The following RPGR variants were observed in gnomAD, a reference collection of about 807,000 sequenced individuals.
RPGR encodes retinitis pigmentosa GTPase regulator.
A neutral mutation model predicts 56.3 loss-of-function variants in RPGR; 10 were observed. That is an observed-to-expected ratio of 0.18 (90% CI 0.11 to 0.30). RPGR has a LOEUF of 0.30. Ranked by LOEUF, RPGR falls within the 10% of genes least tolerant of loss-of-function variation. RPGR has a pLI of 1.00. For synonymous variants in RPGR, 197 were observed against 212.9 expected, an observed-to-expected ratio of 0.93 and a Z score of 0.65; for missense variants, 538 against 590.9, an observed-to-expected ratio of 0.91 and a Z score of 0.93.
intron 15 of RPGR, among the ~76,000 whole-genome samples, chrX:38,278,691 A>T (rs1344791547): frequency 8.9e-6 from 1 of 112,651 alleles, no homozygotes; most frequent in Non-Finnish European, 1.9e-5. Context: ...GTCTGCATAA[A>T]TATACATAAA....
chrX:38,319,506 A>G (rs1030917140), intron 4 of RPGR, among the ~76,000 whole-genome samples: 12 of 112,152 alleles, frequency 1.1e-4, no homozygotes, highest in Non-Finnish European at 2.3e-4. Context: ...GTTTAGCAGG[A>G]AAGACTCCAG....
chrX:38,287,010 A>T (rs2067197546), intron 15 of RPGR: 1 of 1,206,428 alleles, frequency 8.3e-7, no homozygotes, highest in Non-Finnish European at 1.1e-6. Flanking sequence ...CTGCTCCTGA[A>T]CTACCTTCCT....
chrX:38,315,464 C>T (rs1461409356), intron 6 of RPGR, among the ~76,000 whole-genome samples: 1 of 111,843 alleles, frequency 8.9e-6, no homozygotes, highest in Admixed American at 9.5e-5. Flanking sequence ...AAAACAGGCA[C>T]AGAAAGACAT....
At chrX:38,301,818 G>T (rs761434562) in intron 8 of RPGR, among the ~76,000 whole-genome samples, 1 of 110,962 alleles carries the variant, frequency 9.0e-6, no homozygotes, top group Non-Finnish European at 1.9e-5. Context: ...ATAATTCATG[G>T]TCGTGTGGGT....
intron 18 of RPGR, chrX:38,269,975 C>CT (rs1324908191): frequency 6.4e-6 from 3 of 470,983 alleles, no homozygotes; most frequent in Non-Finnish European, 1.1e-5. Context: ...ATGGTGCATT[C>CT]TTAGCATCTG....
chrX:38,282,775 G>C (rs1481037761), intron 15 of RPGR, among the ~76,000 whole-genome samples: 1 of 81,055 alleles, frequency 1.2e-5, no homozygotes, highest in African/African-American at 6.2e-5. Context: ...GACTGCTGCT[G>C]TTCAGCAGCA....
intron 3 of RPGR, among the ~76,000 whole-genome samples, 179 bp downstream of exon 3, chrX:38,322,674 C>T (rs754185404): frequency 9.0e-6 from 1 of 111,665 alleles, no homozygotes; most frequent in Non-Finnish European, 1.9e-5. Context: ...GATTTTTAGA[C>T]CCTAACATAT....
intron 15 of RPGR, chrX:38,287,030 C>T: frequency 8.3e-7 from 1 of 1,210,688 alleles, no homozygotes; most frequent in Non-Finnish European, 1.1e-6. Flanking sequence ...TCACAGGTTC[C>T]ATCCCCTCTA....
rs769708936 is a variant in RPGR at position 38,287,365 on chromosome X, TC to T, written c.1754-121del. ...GCCATACCGTATGTTTTGGTCAGTTTCCACTTCATCATCCTCTTTCTCTCCA... is the reference window on the plus strand; with the variant it reads ...GCCATACCGTATGTTTTGGTCAGTTTCACTTCATCATCCTCTTTCTCTCCA... On this transcript the variant is annotated intron_variant, in intron 14 of 18. Coordinates refer to ENST00000642395, the MANE Select transcript of RPGR (RefSeq NM_000328.3). 7 of 1,052,451 alleles carry T rather than the reference TC, an allele frequency of 6.7e-6. No homozygotes were observed. In the East Asian group the frequency reaches 1.5e-4, roughly 23 times the overall value. The allele number at this position is 1,052,451 out of a possible 1,213,427, so 86.7% of individuals were successfully genotyped here.
chrX:38,285,999 CTCCCCTTCTTCT>C lies in RPGR; in HGVS notation c.1905+1083_1905+1094del. ...CTTCTTCCTCTCCCTCTCCTTCTTC[CTCCCCTTCTTCT>C]TCCCCTTCCTCCTCTTCCCCCTCCC... On this transcript the variant is annotated intron_variant, in intron 15 of 18. Transcript: ENST00000642395. 3.9e-6 allele frequency: 4 copies of C among 1,015,576 alleles called. No homozygotes were observed. Among genetic ancestry groups the C allele is most frequent in the African/African-American group, 2.2e-5 (1 of 45,412 alleles). 83.7% of individuals were successfully genotyped at this position (1,015,576 alleles called of 1,213,427 possible).
chrX:38,290,989 T>C lies in RPGR; in HGVS notation c.1542A>G (p.Ser514=). The C allele has an allele frequency of 9.3e-7, 1 of 1,076,947 alleles. No individual in the cohort carries two copies. 88.8% of individuals were successfully genotyped at this position (1,076,947 alleles called of 1,213,427 possible). Reference sequence around the variant, plus strand: ...GTTTCTGAACTGGTGATAATTTTAATGACTTTTCATTGGAATTCAGGCTCA... The same window carrying C: ...GTTTCTGAACTGGTGATAATTTTAACGACTTTTCATTGGAATTCAGGCTCA... The change falls in exon 13 of 19, where the codon TCA becomes TCG. Residue 514 remains serine, a synonymous_variant. Coordinates refer to ENST00000642395, the MANE Select transcript of RPGR (RefSeq NM_000328.3).
chrX:38,291,362 ATATT>A, intron 12 of RPGR, 27 bp downstream of exon 12: 1 of 908,915 alleles, frequency 1.1e-6, no homozygotes, highest in Middle Eastern at 2.8e-4. Flanking sequence ...ATTCAAACTC[ATATT>A]TAGATAAATA....
chrX:38,327,059 TAAAAA>T (rs1232638719), intron 1 of RPGR: 7 of 262,801 alleles, frequency 2.7e-5, no homozygotes, highest in African/African-American at 7.1e-5. Flanking sequence ...CTCCGTCTCA[TAAAAA>T]AAAAAAAAAA....
At chrX:38,281,555 C>T (rs759546419) in intron 15 of RPGR, among the ~76,000 whole-genome samples, 2 of 112,406 alleles carry the variant, frequency 1.8e-5, no homozygotes, top group East Asian at 2.8e-4. Flanking sequence ...TAAACTCACG[C>T]ACATCAGTCA....
At chrX:38,312,482 TA>T (rs770998259) in intron 6 of RPGR, among the ~76,000 whole-genome samples, 1,847 of 107,088 alleles carry the variant, frequency 0.017, 23 homozygotes, top group South Asian at 0.063. Context: ...CACTTCCAAA[TA>T]AAAAAAAAAT....
At chrX:38,286,929 T>C (rs1194879334) in intron 15 of RPGR, 2 of 1,204,274 alleles carry the variant, frequency 1.7e-6, no homozygotes, top group Non-Finnish European at 2.2e-6. Context: ...TCTCTCCCTC[T>C]CCTGGCCTCT....
intron 8 of RPGR, chrX:38,303,885 T>C (rs1340574395): frequency 6.8e-6 from 2 of 292,692 alleles, no homozygotes; most frequent in Non-Finnish European, 1.2e-5. Context: ...AGATGATTTC[T>C]GACTTTCCAA....
At position 38,287,896 on chromosome X, in the gene RPGR, G is replaced by A. The variant is rs761586336; in HGVS notation, c.1718C>T (p.Ala573Val). ...ATCTGAAAATGCTTCGATAGTCGTAGCTGGCTGCGTCATGAAAATCCCTTG... is the reference window on the plus strand; with the variant it reads ...ATCTGAAAATGCTTCGATAGTCGTAACTGGCTGCGTCATGAAAATCCCTTG... Residue 573 changes from alanine to valine, a missense_variant, in exon 14 of 19, where the codon GCT (alanine) becomes GTT (valine). By Grantham distance (64) the Ala-to-Val change is moderately conservative (BLOSUM62 0). Transcript: ENST00000642395. The A allele has an allele frequency of 8.3e-7, 1 of 1,211,116 alleles. No individual in the cohort carries two copies. The highest frequency in any genetic ancestry group is 2.2e-5 in the Admixed American group (1 of 46,028).
intron 3 of RPGR, among the ~76,000 whole-genome samples, chrX:38,321,358 ATATAAT>A (rs901577567): frequency 9.0e-6 from 1 of 111,530 alleles, no homozygotes; most frequent in African/African-American, 3.3e-5. Flanking sequence ...GCATTTATAT[ATATAAT>A]TATAAACTCC....
Sources: gnomAD v4.1 joint callset for allele counts (sites outside exome capture counted in the v4.1 genomes callset) on GRCh38, gnomAD v4.1.1 for gene constraint, MANE v1.5 for transcripts, NCBI Gene and HGNC (gene_info 2026-07-23, HGNC 2026-07-21) for gene names.